Variants in AKR1D1 observed in about 807,000 individuals in gnomAD.
AKR1D1 encodes delta(4)-3-ketosteroid 5-beta-reductase.
A neutral mutation model predicts 42.6 loss-of-function variants in AKR1D1; 32 were observed. The observed-to-expected ratio is 0.75, with a 90% CI of 0.57 to 1.01. The LOEUF (loss-of-function observed/expected upper bound fraction) is 1.01. AKR1D1 is among the 50% of genes least tolerant of loss of function. The probability of loss-of-function intolerance (pLI) is 0.00; values close to 1 mark genes in which losing one functional copy is unlikely to be tolerated. For missense variants in AKR1D1, 364 were observed against 402.2 expected (o/e 0.91, Z 0.81); for synonymous variants, 123 against 135.5 (o/e 0.91, Z 0.64).
At chr7:138,089,766 G>A (rs1365986991) in intron 2 of AKR1D1, among the ~76,000 whole-genome samples, 2 of 152,196 alleles carry the variant, frequency 1.3e-5, no homozygotes, top group East Asian at 3.9e-4. Flanking sequence ...CAGAAACAGT[G>A]TGTGCAGCTG....
rs531682596 is a variant in AKR1D1 at position 138,102,871 on chromosome 7, C to T, written c.457-2436C>T. 7.2e-4 allele frequency among the ~76,000 whole-genome samples: 109 copies of T among 152,250 alleles called. 1 individual carries two copies. Among genetic ancestry groups the T allele is most frequent in the African/African-American group, 2.5e-3 (102 of 41,558 alleles). The stretch of plus-strand genomic sequence containing the variant: ...TGTCGGGTTGTTAGCTTGAATAGCC[C>T]GGTGTGAATAGTTACATCACAGACA... On this transcript the variant is annotated intron_variant, in intron 4 of 8. Coordinates refer to ENST00000242375, the MANE Select transcript of AKR1D1 (RefSeq NM_005989.4).
chr7:138,088,840 C>CGGTG, intron 2 of AKR1D1, 72 bp downstream of exon 2: 1 of 1,425,574 alleles, frequency 7.0e-7, no homozygotes. Context: ...TATTCATCTT[C>CGGTG]CGTGTGTGTG....
intron 8 of AKR1D1, among the ~76,000 whole-genome samples, chr7:138,114,990 G>A (rs999899821): frequency 6.6e-6 from 1 of 151,952 alleles, no homozygotes; most frequent in African/African-American, 2.4e-5. Flanking sequence ...TTTTTCAGGG[G>A]GAAAATTGTT....
At chr7:138,094,251 AC>A (rs1198949282) in intron 3 of AKR1D1, among the ~76,000 whole-genome samples, 1 of 152,178 alleles carries the variant, frequency 6.6e-6, no homozygotes, top group African/African-American at 2.4e-5. Context: ...ACAGTGGCTC[AC>A]ATCTGTAGTC....
chr7:138,077,447 C>T (rs1037765001), intron 1 of AKR1D1, among the ~76,000 whole-genome samples: 2 of 152,188 alleles, frequency 1.3e-5, no homozygotes, highest in Admixed American at 6.5e-5. Context: ...GATTCAATTA[C>T]CTCTCCCTCG....
chr7:138,105,628 G>A (rs1017677630), intron 5 of AKR1D1, among the ~76,000 whole-genome samples, 199 bp downstream of exon 5: 2 of 152,110 alleles, frequency 1.3e-5, no homozygotes, highest in Non-Finnish European at 2.9e-5. Context: ...GGTGGCTCAC[G>A]CCTGTAATCC....
chr7:138,114,050 A>G (rs1794586587), intron 8 of AKR1D1, among the ~76,000 whole-genome samples: 1 of 152,226 alleles, frequency 6.6e-6, no homozygotes, highest in Non-Finnish European at 1.5e-5. Context: ...GAATTAATTC[A>G]TCATGTACAT....
chr7:138,087,513 C>G (rs1159078947), intron 1 of AKR1D1, among the ~76,000 whole-genome samples: 2 of 152,132 alleles, frequency 1.3e-5, no homozygotes, highest in African/African-American at 2.4e-5. Flanking sequence ...TGTTCCTCAA[C>G]AATATTTTTT....
intron 7 of AKR1D1, among the ~76,000 whole-genome samples, chr7:138,110,372 G>C (rs888353127): frequency 1.3e-5 from 2 of 152,302 alleles, no homozygotes; most frequent in Middle Eastern, 3.4e-3. Context: ...GCCGAGGCAG[G>C]AAGATTGCTT....
At chr7:138,104,585 T>C (rs1299120243) in intron 4 of AKR1D1, among the ~76,000 whole-genome samples, 1 of 148,690 alleles carries the variant, frequency 6.7e-6, no homozygotes, top group Non-Finnish European at 1.5e-5. Context: ...TAATCCCAGC[T>C]ACTTGGGAGG....
In AKR1D1 at chr7:138,116,854, C is replaced by A; in HGVS notation, c.*192C>A. The stretch of plus-strand genomic sequence containing the variant: ...CACATTGAAGTAAAAATATTAAAAT[C>A]TGTTGAAATAACTCTTAGGAAATTA... On this transcript the variant is annotated 3_prime_UTR_variant, in exon 9 of 9. Transcript: ENST00000242375. 1.8e-6 allele frequency: 1 copy of A among 555,312 alleles called. No homozygotes were observed. Among genetic ancestry groups the A allele is most frequent in the Non-Finnish European group, 3.1e-6 (1 of 319,012 alleles). 34.4% of individuals were successfully genotyped at this position (555,312 alleles called of 1,614,324 possible).
intron 1 of AKR1D1, among the ~76,000 whole-genome samples, chr7:138,085,224 T>C (rs1432851062): frequency 8.6e-5 from 13 of 151,990 alleles, no homozygotes; most frequent in Admixed American, 4.6e-4. Flanking sequence ...TATAAACATA[T>C]AAATAAATAA....
At chr7:138,078,657 A>C (rs2117408344) in intron 1 of AKR1D1, among the ~76,000 whole-genome samples, 1 of 152,344 alleles carries the variant, frequency 6.6e-6, no homozygotes, top group South Asian at 2.1e-4. Context: ...TCCCCCATGT[A>C]AGTCCCTTAC....
rs146295241 is a variant in AKR1D1 at position 138,091,417 on chromosome 7, G to C, written c.262-351G>C. On this transcript the variant is annotated intron_variant, in intron 2 of 8. Coordinates refer to ENST00000242375, the MANE Select transcript of AKR1D1 (RefSeq NM_005989.4). ...TGTGAGTAGCTGCACTCCCCTACTA[G>C]AACCTCCAAACAAGCTCTCAAGCTA... is the stretch of plus-strand genomic sequence containing the variant. The C allele has an allele frequency of 1.2e-5, 4 of 333,088 alleles. No homozygotes were observed. In the Admixed American group the frequency reaches 1.7e-4, roughly 14 times the overall value. The allele number at this position is 333,088 out of a possible 1,614,324, so 20.6% of individuals were successfully genotyped here. A position where few individuals can be genotyped will look rare whatever the true frequency, so the allele number is the denominator to read the frequency against.
intron 7 of AKR1D1, among the ~76,000 whole-genome samples, 179 bp from the exon 8 acceptor site, chr7:138,113,511 A>G (rs1794573898): frequency 6.6e-6 from 1 of 152,132 alleles, no homozygotes; most frequent in South Asian, 2.1e-4. Flanking sequence ...CGTCTCAAAA[A>G]CAAAGGGCAG....
intron 7 of AKR1D1, among the ~76,000 whole-genome samples, chr7:138,113,421 A>G (rs1357268227): frequency 1.3e-5 from 2 of 152,170 alleles, no homozygotes; most frequent in Non-Finnish European, 2.9e-5. Context: ...AATTCTTCAC[A>G]TTTGAAATTT....
intron 4 of AKR1D1, 40 bp from the exon 5 acceptor site, chr7:138,105,267 G>C (rs773177894): frequency 2.0e-5 from 32 of 1,613,700 alleles, no homozygotes; most frequent in African/African-American, 2.7e-5. Context: ...CTTGCTTCTT[G>C]TGAGGCTTGT....
chr7:138,101,765 C>G (rs984111233), intron 4 of AKR1D1, among the ~76,000 whole-genome samples: 2 of 152,040 alleles, frequency 1.3e-5, no homozygotes, highest in African/African-American at 4.8e-5. Flanking sequence ...CAACTTATTA[C>G]TGAAAGAAAT....
At chr7:138,099,587 GAAGAA>G (rs1794250182) in intron 4 of AKR1D1, among the ~76,000 whole-genome samples, 1 of 151,918 alleles carries the variant, frequency 6.6e-6, no homozygotes, top group African/African-American at 2.4e-5. Flanking sequence ...TCAATATGAA[GAAGAA>G]AAGGACAAGA....
Sources: gnomAD v4.1 joint callset for allele counts (sites outside exome capture counted in the v4.1 genomes callset) on GRCh38, gnomAD v4.1.1 for gene constraint, MANE v1.5 for transcripts, NCBI Gene and HGNC (gene_info 2026-07-23, HGNC 2026-07-21) for gene names.